The following BRIP1 variants were observed in gnomAD, a reference collection of about 807,000 sequenced individuals.
BRIP1 encodes the protein Fanconi anemia group J protein.
A neutral mutation model predicts 119.7 loss-of-function variants in BRIP1; 88 were observed. That is an observed-to-expected ratio of 0.74 (90% CI 0.62 to 0.88). BRIP1 has a LOEUF of 0.88. Among genes scored for constraint, BRIP1 ranks in the 40% least tolerant of loss-of-function variants. The pLI is 0.00. For synonymous variants in BRIP1, 443 were observed against 496.5 expected, an observed-to-expected ratio of 0.89 and a Z score of 1.43; for missense variants, 1,259 against 1,455.4, an observed-to-expected ratio of 0.87 and a Z score of 2.20.
In BRIP1 at chr17:61,691,877, CA is replaced by C. The variant is rs1450830026; in HGVS notation, c.2575+1552del. Among the ~76,000 whole-genome samples, 2 of 152,146 alleles carry C rather than the reference CA, an allele frequency of 1.3e-5. No homozygotes were observed. The highest frequency in any genetic ancestry group is 4.8e-5 in the African/African-American group (2 of 41,424). Reference sequence around the variant, plus strand: ...AAATACATTACACAGCTGTAGTAGTCAAAAAAGTATGGTACTGGCATAAAGA... The same window carrying C: ...AAATACATTACACAGCTGTAGTAGTCAAAAAGTATGGTACTGGCATAAAGA... On this transcript the variant is annotated intron_variant, in intron 18 of 19. Coordinates refer to ENST00000259008, the MANE Select transcript of BRIP1 (RefSeq NM_032043.3). The surrounding 1 kb of genome is among the most constrained non-coding windows in gnomAD (Gnocchi z 5.0).
chr17:61,696,287 T>G (rs573383772), intron 17 of BRIP1, among the ~76,000 whole-genome samples: 1 of 152,014 alleles, frequency 6.6e-6, no homozygotes, highest in Non-Finnish European at 1.5e-5. Context: ...TTATAAAGCA[T>G]GTTGAACCAG....
chr17:61,707,045 T>C (rs1326457356), intron 17 of BRIP1, among the ~76,000 whole-genome samples: 1 of 151,526 alleles, frequency 6.6e-6, no homozygotes, highest in Non-Finnish European at 1.5e-5. Flanking sequence ...TTTTTTTTTA[T>C]TTTGATGGAG....
rs1248243698 is a variant in BRIP1 at position 61,730,905 on chromosome 17, G to A, written c.2379+12108C>T. On this transcript the variant is annotated intron_variant, in intron 16 of 19. Coordinates refer to ENST00000259008, the MANE Select transcript of BRIP1 (RefSeq NM_032043.3). This position sits in a 1 kb window ranked among gnomAD's most constrained non-coding sequence, Gnocchi z 4.3. ...TTTGTGTTTTTTTGTTTGTTCATTTGTTTTTCAGAAGGGATGGAAACAGAG... is the reference window on the plus strand; with the variant it reads ...TTTGTGTTTTTTTGTTTGTTCATTTATTTTTCAGAAGGGATGGAAACAGAG... 6.6e-6 allele frequency among the ~76,000 whole-genome samples: 1 copy of A among 151,814 alleles called. No individual in the cohort carries two copies. The highest frequency in any genetic ancestry group is 1.5e-5 in the Non-Finnish European group (1 of 67,958).
At chr17:61,711,930 G>A (rs1002269366) in intron 17 of BRIP1, among the ~76,000 whole-genome samples, 6 of 151,772 alleles carry the variant, frequency 4.0e-5, no homozygotes, top group African/African-American at 1.5e-4. Context: ...AGTACAGTGG[G>A]TGACATGTTC....
chr17:61,854,190 T>C (rs1167791421), intron 4 of BRIP1, among the ~76,000 whole-genome samples: 2 of 151,786 alleles, frequency 1.3e-5, no homozygotes, highest in Admixed American at 6.6e-5. Context: ...GATCACTTGG[T>C]TCCAGGAGGC....
chr17:61,779,343 G>C (rs1461626328), intron 13 of BRIP1, among the ~76,000 whole-genome samples: 1 of 152,232 alleles, frequency 6.6e-6, no homozygotes, highest in Non-Finnish European at 1.5e-5. Context: ...TCAGGAGGCT[G>C]AGGCAGGTGG....
Position 61,710,500 on chromosome 17 carries a change from G to C in BRIP1, c.2492+5451C>G, listed in dbSNP as rs2061754636. ...TAACTCTAGTTGGAGAAGTTTTAAA[G>C]GTCCTCATAAAGGACATGACTTTCA... On this transcript the variant is annotated intron_variant, in intron 17 of 19. Coordinates refer to ENST00000259008, the MANE Select transcript of BRIP1 (RefSeq NM_032043.3). This position sits in a 1 kb window ranked among gnomAD's most constrained non-coding sequence, Gnocchi z 5.4. Among the ~76,000 whole-genome samples the C allele has an allele frequency of 6.6e-6, 1 of 152,186 alleles. No individual in the cohort carries two copies. The highest frequency in any genetic ancestry group is 1.5e-5 in the Non-Finnish European group (1 of 68,026).
intron 17 of BRIP1, among the ~76,000 whole-genome samples, chr17:61,715,664 GCTTT>G (rs2144375467): frequency 1.3e-5 from 2 of 152,242 alleles, no homozygotes; most frequent in Non-Finnish European, 2.9e-5. Context: ...GATTTGATAA[GCTTT>G]CTTTAATATT....
rs2078956037 is a variant in BRIP1, at chr17:61,860,261, A to G, written c.94-354T>C. On this transcript the variant is annotated intron_variant, in intron 2 of 19. Coordinates refer to ENST00000259008, the MANE Select transcript of BRIP1 (RefSeq NM_032043.3). This position sits in a 1 kb window ranked among gnomAD's most constrained non-coding sequence, Gnocchi z 4.1. Reference sequence around the variant, plus strand: ...AGTGAGAGTACAAATTGTTACAACTACTTGGTAGAGAAATAAACAATTTCT... The same window carrying G: ...AGTGAGAGTACAAATTGTTACAACTGCTTGGTAGAGAAATAAACAATTTCT... Among the ~76,000 whole-genome samples, 1 of 152,244 alleles carries G rather than the reference A, an allele frequency of 6.6e-6. No homozygotes were observed.
intron 6 of BRIP1, among the ~76,000 whole-genome samples, chr17:61,833,872 A>T (rs1302922705): frequency 2.0e-5 from 3 of 152,146 alleles, no homozygotes; most frequent in African/African-American, 7.2e-5. Context: ...AAGGCCAGAG[A>T]TTTTCCTGCT....
At position 61,848,018 on chromosome 17, in the gene BRIP1, A is replaced by G. The variant is rs139086897; in HGVS notation, c.508-798T>C. Reference sequence around the variant, plus strand: ...TTGATAAAATAAACTAGTTCATTCTATTTCTAAAAACAAGGCTGAATTATA... The same window carrying G: ...TTGATAAAATAAACTAGTTCATTCTGTTTCTAAAAACAAGGCTGAATTATA... On this transcript the variant is annotated intron_variant, in intron 5 of 19. Coordinates refer to ENST00000259008, the MANE Select transcript of BRIP1 (RefSeq NM_032043.3). The surrounding 1 kb of genome is among the most constrained non-coding windows in gnomAD (Gnocchi z 4.3). Among the ~76,000 whole-genome samples, 134 of 152,280 alleles carry G rather than the reference A, an allele frequency of 8.8e-4. No individual in the cohort carries two copies. In the East Asian group the frequency reaches 0.025, roughly 28 times the overall value.
rs971595789 is a variant in BRIP1 at position 61,693,068 on chromosome 17, A to T, written c.2575+362T>A. Reference sequence around the variant, plus strand: ...TGAAAAGAAGGAAATCCTGCAACATAGATGAACCTTGAGGACATTATGCTA... The same window carrying T: ...TGAAAAGAAGGAAATCCTGCAACATTGATGAACCTTGAGGACATTATGCTA... On this transcript the variant is annotated intron_variant, in intron 18 of 19. Coordinates refer to ENST00000259008, the MANE Select transcript of BRIP1 (RefSeq NM_032043.3). The surrounding 1 kb of genome is among the most constrained non-coding windows in gnomAD (Gnocchi z 4.2). Among the ~76,000 whole-genome samples, 1 of 152,242 alleles carries T rather than the reference A, an allele frequency of 6.6e-6. No homozygotes were observed. Among genetic ancestry groups the T allele is most frequent in the Non-Finnish European group, 1.5e-5 (1 of 68,024 alleles).
chr17:61,714,506 T>C (rs2061827902), intron 17 of BRIP1, among the ~76,000 whole-genome samples: 1 of 152,214 alleles, frequency 6.6e-6, no homozygotes. Context: ...AACAATAGGC[T>C]ATATCATATA....
intron 10 of BRIP1, among the ~76,000 whole-genome samples, chr17:61,791,925 G>A (rs1187476727): frequency 2.0e-5 from 3 of 152,138 alleles, no homozygotes; most frequent in Non-Finnish European, 4.4e-5. Context: ...CTGATAGAAA[G>A]ACAAATACTG....
At position 61,822,131 on chromosome 17, in the gene BRIP1, T is replaced by C. The variant is rs1299967995; in HGVS notation, c.628-13374A>G. On this transcript the variant is annotated intron_variant, in intron 6 of 19. Transcript: ENST00000259008. This position sits in a 1 kb window ranked among gnomAD's most constrained non-coding sequence, Gnocchi z 4.4. ...ATATAAATTAATGAATGAAATGTCT[T>C]CCCTATAAGCGTTACATAAAATTAG... is the stretch of plus-strand genomic sequence containing the variant. Among the ~76,000 whole-genome samples, 3 of 151,934 alleles carry C rather than the reference T, an allele frequency of 2.0e-5. No homozygotes were observed. Among genetic ancestry groups the C allele is most frequent in the Non-Finnish European group, 4.4e-5 (3 of 67,972 alleles).
At position 61,704,776 on chromosome 17, in the gene BRIP1, T is replaced by A. The variant is rs1404773994; in HGVS notation, c.2492+11175A>T. 6.6e-6 allele frequency among the ~76,000 whole-genome samples: 1 copy of A among 152,158 alleles called. No individual in the cohort carries two copies. Among genetic ancestry groups the A allele is most frequent in the Non-Finnish European group, 1.5e-5 (1 of 68,016 alleles). On this transcript the variant is annotated intron_variant, in intron 17 of 19. Coordinates refer to ENST00000259008, the MANE Select transcript of BRIP1 (RefSeq NM_032043.3). The surrounding 1 kb of genome is among the most constrained non-coding windows in gnomAD (Gnocchi z 5.7). ...TAGAGTTTTTCGTAGTATTCTCATA[T>A]TATTCTTTTAATGCCTGTGGAGTCT...
chr17:61,804,219 C>T lies in BRIP1; in HGVS notation c.919-2745G>A, dbSNP rs1402842027. On this transcript the variant is annotated intron_variant, in intron 7 of 19. Transcript: ENST00000259008. The surrounding 1 kb of genome is among the most constrained non-coding windows in gnomAD (Gnocchi z 4.5). The stretch of plus-strand genomic sequence containing the variant: ...ACATACATGTACTACTTCTCTTTTT[C>T]AATTGTCATTGGAACTAAGTGGTAG... 6.6e-6 allele frequency among the ~76,000 whole-genome samples: 1 copy of T among 151,986 alleles called. No homozygotes were observed. Among genetic ancestry groups the T allele is most frequent in the Non-Finnish European group, 1.5e-5 (1 of 67,988 alleles).
In BRIP1 at chr17:61,849,697, A is replaced by C. The variant is rs117102801; in HGVS notation, c.380-441T>G. ...TCTGTCTTTTAATCCCATAATCCTGAAAGCTCCTTCTCAAGGTCATCCAGG... is the reference window on the plus strand; with the variant it reads ...TCTGTCTTTTAATCCCATAATCCTGCAAGCTCCTTCTCAAGGTCATCCAGG... On this transcript the variant is annotated intron_variant, in intron 4 of 19. Coordinates refer to ENST00000259008, the MANE Select transcript of BRIP1 (RefSeq NM_032043.3). Among the ~76,000 whole-genome samples, 16 of 152,322 alleles carry C rather than the reference A, an allele frequency of 1.1e-4. No homozygotes were observed. The East Asian group carries it at 2.9e-3, about 28-fold the overall frequency.
rs2077053839 is a variant in BRIP1, at chr17:61,746,034, A to G, written c.2098-1443T>C. ...TTCTACACAATTTGGACAAGTTATT[A>G]TAAGAAACCACCCAAAATTCTCTGG... On this transcript the variant is annotated intron_variant, in intron 14 of 19. Transcript: ENST00000259008. The surrounding 1 kb of genome is among the most constrained non-coding windows in gnomAD (Gnocchi z 4.9). 6.6e-6 allele frequency among the ~76,000 whole-genome samples: 1 copy of G among 152,194 alleles called. No individual in the cohort carries two copies. Among genetic ancestry groups the G allele is most frequent in the African/African-American group, 2.4e-5 (1 of 41,470 alleles).
Sources: allele counts gnomAD v4.1 joint callset (sites outside exome capture counted in the v4.1 genomes callset), GRCh38; gene constraint gnomAD v4.1.1; non-coding constraint Gnocchi (gnomAD v3.1); transcripts MANE v1.5; gene names NCBI Gene and HGNC (gene_info 2026-07-23, HGNC 2026-07-21).